The following GTF2B variants were observed in gnomAD, a reference collection of about 807,000 sequenced individuals.
The protein encoded by GTF2B is general transcription factor IIB.
GTF2B carries 20 observed loss-of-function variants against 34.6 expected under a neutral mutation model. The observed-to-expected ratio is 0.58, with a 90% confidence interval of 0.41 to 0.84. The LOEUF (loss-of-function observed/expected upper bound fraction) is 0.84, where lower values mean the gene tolerates loss of function less well. GTF2B is among the 40% of genes least tolerant of loss of function. The pLI, the probability that GTF2B is intolerant of heterozygous loss-of-function variation, is 0.00. For synonymous variants in GTF2B, 142 were observed against 132.4 expected (o/e 1.07, Z -0.50); for missense variants, 237 against 393.3 (o/e 0.60, Z 3.36).
chr1:88,857,700 T>TTTTTTTTTTTTTTTG (rs1673346959), intron 5 of GTF2B, among the ~76,000 whole-genome samples: 1 of 147,398 alleles, frequency 6.8e-6, no homozygotes. Flanking sequence ...CCTTTTTTTT[T>TTTTTTTTTTTTTTTG]GAGATGAAGT....
At chr1:88,855,163 G>A (rs372650032) in intron 6 of GTF2B, among the ~76,000 whole-genome samples, 19 of 152,158 alleles carry the variant, frequency 1.2e-4, no homozygotes, top group African/African-American at 4.6e-4. Context: ...TTTACTAAAA[G>A]ACTCAAAATT....
intron 1 of GTF2B, among the ~76,000 whole-genome samples, chr1:88,889,419 C>T (rs889656377): frequency 6.6e-6 from 1 of 152,156 alleles, no homozygotes; most frequent in Admixed American, 6.5e-5. Context: ...TAAAACGATT[C>T]GAGACTACTC....
chr1:88,857,703 G>C (rs374055912), intron 5 of GTF2B, among the ~76,000 whole-genome samples: 508 of 3,336 alleles, frequency 0.15, no homozygotes, highest in African/African-American at 0.27. Context: ...TTTTTTTTGA[G>C]ATGAAGTCTC....
chr1:88,854,452 A>G (rs945804632), intron 6 of GTF2B, among the ~76,000 whole-genome samples: 1 of 152,198 alleles, frequency 6.6e-6, no homozygotes, highest in African/African-American at 2.4e-5. Flanking sequence ...CTGCCACTAC[A>G]ATGTTTGGTT....
In GTF2B at chr1:88,887,310, C is replaced by T. The variant is rs776580266; in HGVS notation, c.75G>A (p.Glu25=). The stretch of plus-strand genomic sequence containing the variant: ...AGATCATATCACCGGCTCTGTAGTC[C>T]TCCACTAAAATCGCATCTGGATGGT... The part of the protein sequence containing the change: ...CPNHPDAILV[E]DYRAGDMICP... The change falls in exon 2 of 7, where the codon GAG becomes GAA. Residue 25 remains glutamate (E), a synonymous_variant. Coordinates refer to ENST00000370500, the MANE Select transcript of GTF2B (RefSeq NM_001514.6). The T allele has an allele frequency of 1.9e-6, 3 of 1,612,922 alleles. No homozygotes were observed. Among genetic ancestry groups the T allele is most frequent in the East Asian group, 2.2e-5 (1 of 44,880 alleles).
chr1:88,872,578 G>C (rs1401412989), intron 2 of GTF2B, among the ~76,000 whole-genome samples: 1 of 149,638 alleles, frequency 6.7e-6, no homozygotes, highest in African/African-American at 2.4e-5. Flanking sequence ...CACAATTCTT[G>C]ATTTGTAGCC....
intron 2 of GTF2B, among the ~76,000 whole-genome samples, chr1:88,883,468 A>G (rs1455350454): frequency 6.6e-6 from 1 of 152,154 alleles, no homozygotes; most frequent in Non-Finnish European, 1.5e-5. Flanking sequence ...TAATCCCAGC[A>G]CTTTGGGAGA....
chr1:88,860,106 C>T, intron 4 of GTF2B, 34 bp downstream of exon 4: 1 of 1,612,636 alleles, frequency 6.2e-7, no homozygotes, highest in Non-Finnish European at 8.5e-7. Context: ...AAGTCAATGC[C>T]AGAATGGCTT....
Position 88,857,267 on chromosome 1 carries a change from A to T in GTF2B, c.756T>A (p.Ser252=). 1 of 1,614,060 alleles carries T rather than the reference A, an allele frequency of 6.2e-7. No homozygotes were observed. The highest frequency in any genetic ancestry group is 1.1e-5 in the South Asian group (1 of 91,076). Reference sequence around the variant, plus strand: ...CCATGTAAATAGCTGCCGCTGCCACAGAGATGGGGCTCCTCCCAGGAACCA... The same window carrying T: ...CCATGTAAATAGCTGCCGCTGCCACTGAGATGGGGCTCCTCCCAGGAACCA... The part of the protein sequence containing the change: ...LDLVPGRSPI[S]VAAAAIYMAS... The change falls in exon 6 of 7, where the codon TCT becomes TCA. Residue 252 remains serine, a synonymous_variant. Transcript: ENST00000370500.
At chr1:88,885,546 G>A (rs1674047301) in intron 2 of GTF2B, among the ~76,000 whole-genome samples, 1 of 151,782 alleles carries the variant, frequency 6.6e-6, no homozygotes, top group Non-Finnish European at 1.5e-5. Flanking sequence ...TCAGGAGTTC[G>A]AGACCAGCCT....
chr1:88,886,128 C>A (rs6659626), intron 2 of GTF2B, among the ~76,000 whole-genome samples: 73,430 of 151,882 alleles, frequency 0.48, 19,188 homozygotes, highest in South Asian at 0.69. Flanking sequence ...ATTAATATTC[C>A]TTACTCAGCA....
chr1:88,855,512 T>C (rs905249260), intron 6 of GTF2B, among the ~76,000 whole-genome samples: 1 of 152,002 alleles, frequency 6.6e-6, no homozygotes, highest in Non-Finnish European at 1.5e-5. Flanking sequence ...ACCACCATGC[T>C]GGGCTGATTT....
chr1:88,870,141 T>C (rs1673656284), intron 2 of GTF2B, among the ~76,000 whole-genome samples: 1 of 151,914 alleles, frequency 6.6e-6, no homozygotes, highest in South Asian at 2.1e-4. Flanking sequence ...TTAACCAGGA[T>C]GGTCTCGATC....
chr1:88,879,694 G>A (rs1254308311), intron 2 of GTF2B, among the ~76,000 whole-genome samples: 1 of 152,020 alleles, frequency 6.6e-6, no homozygotes, highest in African/African-American at 2.4e-5. Flanking sequence ...GCTTAAGTTT[G>A]CTATTAAGAG....
rs1673497167 is a variant in GTF2B at position 88,864,049 on chromosome 1, G to T, written c.190C>A (p.Pro64Thr). The T allele has an allele frequency of 6.2e-7, 1 of 1,613,268 alleles. No homozygotes were observed. Among genetic ancestry groups the T allele is most frequent in the Non-Finnish European group, 8.5e-7 (1 of 1,179,220 alleles). ...TTCTGAGAATCTCCAACTCGAGATG[G>T]ATCTTTTGTTGCTTTGTCATTGCTG... The part of the protein sequence containing the change: ...TFSNDKATKD[P>T]SRVGDSQNPL... The change falls in exon 3 of 7, where the codon CCA becomes ACA. Residue 64 changes from proline (P) to threonine (T), a missense_variant. By Grantham distance (38) the Pro-to-Thr change is conservative. Transcript: ENST00000370500.
At chr1:88,884,023 C>CTTTTTT (rs56745053) in intron 2 of GTF2B, among the ~76,000 whole-genome samples, 1 of 111,206 alleles carries the variant, frequency 9.0e-6, no homozygotes, top group African/African-American at 3.6e-5. Flanking sequence ...TCAGCACTGA[C>CTTTTTT]TTTTTTTTTT....
intron 6 of GTF2B, 99 bp downstream of exon 6, chr1:88,857,107 G>A: frequency 7.2e-6 from 8 of 1,118,018 alleles, no homozygotes; most frequent in East Asian, 4.7e-5. Context: ...GGTCAAATGT[G>A]GGTTTCTTGC....
intron 2 of GTF2B, among the ~76,000 whole-genome samples, chr1:88,886,439 A>C (rs2100981232): frequency 6.6e-6 from 1 of 152,346 alleles, no homozygotes; most frequent in Admixed American, 6.5e-5. Context: ...AAGTAGGAAC[A>C]AGGTGAAACT....
intron 2 of GTF2B, among the ~76,000 whole-genome samples, chr1:88,869,487 A>G (rs1040121395): frequency 2.0e-5 from 3 of 152,230 alleles, no homozygotes; most frequent in African/African-American, 7.2e-5. Context: ...TTTCAAGCCA[A>G]AAATGTCAGT....
Sources: allele counts gnomAD v4.1 joint callset (sites outside exome capture counted in the v4.1 genomes callset), GRCh38; gene constraint gnomAD v4.1.1; transcripts MANE v1.5; gene names NCBI Gene and HGNC (gene_info 2026-07-23, HGNC 2026-07-21).